Variants in ATP2A3 observed in about 807,000 individuals in gnomAD.
ATP2A3 encodes the protein ATPase sarcoplasmic/endoplasmic reticulum Ca2+ transporting 3.
A neutral mutation model predicts 106.8 loss-of-function variants in ATP2A3; 61 were observed. That is an observed-to-expected ratio of 0.57 (90% CI 0.46 to 0.71). The LOEUF is 0.71. Among genes scored for constraint, ATP2A3 ranks in the 30% least tolerant of loss-of-function variants. The probability of loss-of-function intolerance (pLI) is 0.00; values close to 1 mark genes in which losing one functional copy is unlikely to be tolerated. For missense variants in ATP2A3, 1,201 were observed against 1,423.5 expected (o/e 0.84, Z 2.52); for synonymous variants, 611 against 609.3 (o/e 1.00, Z -0.04).
At chr17:3,942,252 C>T (rs772127385) in intron 12 of ATP2A3, among the ~76,000 whole-genome samples, 1 of 152,176 alleles carries the variant, frequency 6.6e-6, no homozygotes, top group African/African-American at 2.4e-5. Context: ...CCAAGTGGCC[C>T]GAGCTCCCAG....
At chr17:3,941,413 G>C in intron 13 of ATP2A3, 23 bp downstream of exon 13, 1 of 1,612,834 alleles carries the variant, frequency 6.2e-7, no homozygotes, top group Non-Finnish European at 8.5e-7. Flanking sequence ...CGTACTGCAG[G>C]GAGAATCGGC....
In ATP2A3 at chr17:3,935,273, G is replaced by A. The variant is rs201977487; in HGVS notation, c.2529C>T (p.Tyr843=). The A allele has an allele frequency of 1.4e-5, 22 of 1,613,458 alleles. No homozygotes were observed. The highest frequency in any genetic ancestry group is 6.7e-5 in the African/African-American group (5 of 75,034). ...CGGCAGCCACTGTGGCCAGGCCTACGTACACTGCGGGGAAGGGAGGAGACC... is the reference window on the plus strand; with the variant it reads ...CGGCAGCCACTGTGGCCAGGCCTACATACACTGCGGGGAAGGGAGGAGACC... The part of the protein sequence containing the change: ...LFFRYLAIGV[Y]VGLATVAAAT... The change falls in exon 17 of 21, where the codon TAC becomes TAT. Residue 843 remains tyrosine, a synonymous_variant. Transcript: ENST00000397041.
intron 1 of ATP2A3, among the ~76,000 whole-genome samples, chr17:3,954,577 A>G (rs2054655299): frequency 6.7e-6 from 1 of 148,386 alleles, no homozygotes; most frequent in Admixed American, 6.7e-5. Flanking sequence ...GCTCACTGCA[A>G]CCTCCACCTC....
rs368580708 is a variant in ATP2A3 at position 3,928,691 on chromosome 17, G to A, written c.2952C>T (p.Leu984=). Residue 984 remains leucine, a synonymous_variant, in exon 20 of 21, where the codon CTC becomes CTT. Coordinates refer to ENST00000397041, the MANE Select transcript of ATP2A3 (RefSeq NM_005173.4). The surrounding 1 kb of genome is among the most constrained non-coding windows in gnomAD (Gnocchi z 6.1). The part of the protein sequence containing the change: ...SLPVILLDEA[L]KYLSRNHMHE... Reference sequence around the variant, plus strand: ...GCATGTGGTTCCGGGACAGGTACTTGAGGGCCTCATCCAGCAGGATGACAG... The same window carrying A: ...GCATGTGGTTCCGGGACAGGTACTTAAGGGCCTCATCCAGCAGGATGACAG... 1.7e-5 allele frequency: 27 copies of A among 1,551,330 alleles called. No homozygotes were observed. In the East Asian group the frequency reaches 5.9e-4, roughly 34 times the overall value.
Position 3,924,923 on chromosome 17 carries a change from C to A in ATP2A3, c.*499G>T. The A allele has an allele frequency of 2.2e-6, 1 of 445,480 alleles. No individual in the cohort carries two copies. 27.6% of individuals were successfully genotyped at this position (445,480 alleles called of 1,614,324 possible). ...CTGGGCCCAGATGGCCCCTTCTGAT[C>A]CCCCAGGGCTGACCCAGTCCCAGAC... On this transcript the variant is annotated 3_prime_UTR_variant, in exon 21 of 21. Transcript: ENST00000397041. The surrounding 1 kb of genome is among the most constrained non-coding windows in gnomAD (Gnocchi z 6.4).
At position 3,929,243 on chromosome 17, in the gene ATP2A3, G is replaced by A. The variant is rs2052900633; in HGVS notation, c.2862+85C>T. The A allele has an allele frequency of 7.9e-7, 1 of 1,270,630 alleles. No homozygotes were observed. The highest frequency in any genetic ancestry group is 1.3e-5 in the South Asian group (1 of 74,566). The allele number at this position is 1,270,630 out of a possible 1,614,324, so 78.7% of individuals were successfully genotyped here. A position where few individuals can be genotyped will look rare whatever the true frequency, so the allele number is the denominator to read the frequency against. On this transcript the variant is annotated intron_variant, in intron 19 of 20. Transcript: ENST00000397041. This position sits in a 1 kb window ranked among gnomAD's most constrained non-coding sequence, Gnocchi z 4.3. Reference sequence around the variant, plus strand: ...CCCTCTCCTCCAGGTAGTTTCCATTGCAGGGGGGCCAGAGAGGTCCAGTGA... The same window carrying A: ...CCCTCTCCTCCAGGTAGTTTCCATTACAGGGGGGCCAGAGAGGTCCAGTGA...
rs766970987 is a variant in ATP2A3, at chr17:3,947,392, C to T, written c.1094G>A (p.Arg365Gln). ...TLTTNQMSVC[R>Q]MFVVAEADAG... ...AACACCAAGCTGGCCGTCACTCACC[C>T]GGCAGACAGACATCTGATTGGTGGT... is the stretch of plus-strand genomic sequence containing the variant. Residue 365 changes from arginine to glutamine, a missense_variant and splice_region_variant, in exon 8 of 21, where the codon CGG becomes CAG. Arg to Gln is a conservative substitution (Grantham distance 43). Around this residue, in one of 2 missense-constraint regions of ATP2A3, gnomAD observed 935 missense variants for 1,176.7 expected, o/e 0.79. Transcript: ENST00000397041. This position sits in a 1 kb window ranked among gnomAD's most constrained non-coding sequence, Gnocchi z 7.7. 2.0e-5 allele frequency: 33 copies of T among 1,613,698 alleles called. No homozygotes were observed. Among genetic ancestry groups the T allele is most frequent in the East Asian group, 1.8e-4 (8 of 44,900 alleles).
rs1191287603 is a variant in ATP2A3 at position 3,926,820 on chromosome 17, C to A, written c.2981-1379G>T. On this transcript the variant is annotated intron_variant, in intron 20 of 20. Coordinates refer to ENST00000397041, the MANE Select transcript of ATP2A3 (RefSeq NM_005173.4). The surrounding 1 kb of genome is among the most constrained non-coding windows in gnomAD (Gnocchi z 4.6). ...CCTGACTCAGGTGATCTGCCCACCTCGGCCTCCCAAAGTGCTGGGATGACA... is the reference window on the plus strand; with the variant it reads ...CCTGACTCAGGTGATCTGCCCACCTAGGCCTCCCAAAGTGCTGGGATGACA... 1.0e-6 allele frequency: 1 copy of A among 978,956 alleles called. No individual in the cohort carries two copies. The highest frequency in any genetic ancestry group is 1.8e-5 in the African/African-American group (1 of 57,116). 60.6% of individuals were successfully genotyped at this position (978,956 alleles called of 1,614,324 possible).
intron 12 of ATP2A3, among the ~76,000 whole-genome samples, chr17:3,942,286 A>G (rs1856779960): frequency 6.6e-6 from 1 of 152,234 alleles, no homozygotes; most frequent in South Asian, 2.1e-4. Context: ...TCATTTCAAA[A>G]GGGGTTTAAA....
At position 3,953,230 on chromosome 17, in the gene ATP2A3, C is replaced by T. The variant is rs373373938; in HGVS notation, c.219+117G>A. The T allele has an allele frequency of 5.2e-5, 62 of 1,197,648 alleles. No homozygotes were observed. The highest frequency in any genetic ancestry group is 4.2e-4 in the East Asian group (18 of 42,744). 74.2% of individuals were successfully genotyped at this position (1,197,648 alleles called of 1,614,324 possible). A position where few individuals can be genotyped will look rare whatever the true frequency, so the allele number is the denominator to read the frequency against. On this transcript the variant is annotated intron_variant, in intron 3 of 20. Transcript: ENST00000397041. This position sits in a 1 kb window ranked among gnomAD's most constrained non-coding sequence, Gnocchi z 5.1. ...AGGGCAGGGCCAGGGAAGGCCAGGGCGCAGGCCCAGGGTGTGGAGGACAGG... is the reference window on the plus strand; with the variant it reads ...AGGGCAGGGCCAGGGAAGGCCAGGGTGCAGGCCCAGGGTGTGGAGGACAGG...
chr17:3,944,192 C>G (rs1385735593), intron 10 of ATP2A3, among the ~76,000 whole-genome samples: 1 of 152,210 alleles, frequency 6.6e-6, no homozygotes, highest in Non-Finnish European at 1.5e-5. Context: ...CCTCAGTGAT[C>G]TTCTGTAAAT....
Position 3,953,425 on chromosome 17 carries a change from C to G in ATP2A3, c.141G>C (p.Lys47Asn). Reference sequence around the variant, plus strand: ...GTTCCAGCACCAGCTCCCACAGGGACTTCCCTGGGAACGGGGGTCATGTGT... The same window carrying G: ...GTTCCAGCACCAGCTCCCACAGGGAGTTCCCTGGGAACGGGGGTCATGTGT... ...GPNELPSEEG[K>N]SLWELVLEQF... Residue 47 changes from lysine (K) to asparagine (N), a missense_variant, in exon 3 of 21, where the codon AAG becomes AAC. By Grantham distance (94) the Lys-to-Asn change is moderately conservative. This residue lies in a region of ATP2A3 where 266 missense variants were observed against 246.8 expected (regional missense o/e 1.08). Coordinates refer to ENST00000397041, the MANE Select transcript of ATP2A3 (RefSeq NM_005173.4). The surrounding 1 kb of genome is among the most constrained non-coding windows in gnomAD (Gnocchi z 5.1). 3 of 1,613,962 alleles carry G rather than the reference C, an allele frequency of 1.9e-6. No homozygotes were observed. The highest frequency in any genetic ancestry group is 2.5e-6 in the Non-Finnish European group (3 of 1,179,988).
At chr17:3,941,335 G>T in intron 13 of ATP2A3, 29 bp from the exon 14 acceptor site, 1 of 1,613,416 alleles carries the variant, frequency 6.2e-7, no homozygotes, top group Non-Finnish European at 8.5e-7. Flanking sequence ...TTCAAGCGGG[G>T]CCTGAGCCCA....
At position 3,953,642 on chromosome 17, in the gene ATP2A3, A is replaced by G. The variant is rs1240317750; in HGVS notation, c.136+51T>C. 6.4e-7 allele frequency: 1 copy of G among 1,556,338 alleles called. No homozygotes were observed. The highest frequency in any genetic ancestry group is 8.7e-7 in the Non-Finnish European group (1 of 1,149,470). On this transcript the variant is annotated intron_variant, in intron 2 of 20. Transcript: ENST00000397041. This position sits in a 1 kb window ranked among gnomAD's most constrained non-coding sequence, Gnocchi z 5.1. Reference sequence around the variant, plus strand: ...GGAAGTCATGACCAGACAGAGAACGACCCAGGGATGCTGCCCGCGGCCTAG... The same window carrying G: ...GGAAGTCATGACCAGACAGAGAACGGCCCAGGGATGCTGCCCGCGGCCTAG...
intron 1 of ATP2A3, among the ~76,000 whole-genome samples, chr17:3,956,510 C>T (rs2054791092): frequency 3.3e-5 from 5 of 152,290 alleles, no homozygotes; most frequent in African/African-American, 9.6e-5. Context: ...ATGCAGCTGG[C>T]GAGCCCCTGG....
In ATP2A3 at chr17:3,930,695, G is replaced by C. The variant is rs2053026669; in HGVS notation, c.2611-261C>G. On this transcript the variant is annotated intron_variant, in intron 17 of 20. Coordinates refer to ENST00000397041, the MANE Select transcript of ATP2A3 (RefSeq NM_005173.4). The surrounding 1 kb of genome is among the most constrained non-coding windows in gnomAD (Gnocchi z 5.4). ...GAGCAGGAGTGCAGCGGCTCAGAAG[G>C]AGAACAGCTGGCATTAGCCTGGGGA... 1 of 567,424 alleles carries C rather than the reference G, an allele frequency of 1.8e-6. No homozygotes were observed. Among genetic ancestry groups the C allele is most frequent in the Admixed American group, 2.9e-5 (1 of 34,840 alleles). 35.1% of individuals were successfully genotyped at this position (567,424 alleles called of 1,614,324 possible). A position where few individuals can be genotyped will look rare whatever the true frequency, so the allele number is the denominator to read the frequency against.
rs537562230 is a variant in ATP2A3 at position 3,950,841 on chromosome 17, T to C, written c.464-68A>G. On this transcript the variant is annotated intron_variant, in intron 5 of 20. Coordinates refer to ENST00000397041, the MANE Select transcript of ATP2A3 (RefSeq NM_005173.4). ...CACCAGCTGGGAAAAGCCAGAAGGG[T>C]TCCCAGAACCCAAGGCTGGGGCTGG... The C allele has an allele frequency of 1.1e-5, 17 of 1,501,078 alleles. No individual in the cohort carries two copies. The African/African-American group carries it at 2.3e-4, about 21-fold the overall frequency. 93.0% of individuals were successfully genotyped at this position (1,501,078 alleles called of 1,614,324 possible).
Position 3,928,880 on chromosome 17 carries a change from T to C in ATP2A3, c.2863-100A>G. The C allele has an allele frequency of 1.1e-6, 1 of 883,132 alleles. No homozygotes were observed. Among genetic ancestry groups the C allele is most frequent in the Admixed American group, 2.1e-5 (1 of 47,530 alleles). The allele number at this position is 883,132 out of a possible 1,614,324, so 54.7% of individuals were successfully genotyped here. Reference sequence around the variant, plus strand: ...ATCCACCTGGGCTCTGATGGACTCTTCATGAGCGCTCCTAAGAACCCCCTG... The same window carrying C: ...ATCCACCTGGGCTCTGATGGACTCTCCATGAGCGCTCCTAAGAACCCCCTG... On this transcript the variant is annotated intron_variant, in intron 19 of 20. Transcript: ENST00000397041. This position sits in a 1 kb window ranked among gnomAD's most constrained non-coding sequence, Gnocchi z 6.1.
Position 3,928,408 on chromosome 17 carries a change from G to T in ATP2A3, c.2980+255C>A. 1 of 1,348,460 alleles carries T rather than the reference G, an allele frequency of 7.4e-7. No homozygotes were observed. 83.5% of individuals were successfully genotyped at this position (1,348,460 alleles called of 1,614,324 possible). A position where few individuals can be genotyped will look rare whatever the true frequency, so the allele number is the denominator to read the frequency against. Reference sequence around the variant, plus strand: ...ATGTAGGGGGTGGCAGGTGAAGACAGTGAGGCAGTGTGGCCCAAGAGGTGC... The same window carrying T: ...ATGTAGGGGGTGGCAGGTGAAGACATTGAGGCAGTGTGGCCCAAGAGGTGC... On this transcript the variant is annotated intron_variant, in intron 20 of 20. Coordinates refer to ENST00000397041, the MANE Select transcript of ATP2A3 (RefSeq NM_005173.4). The surrounding 1 kb of genome is among the most constrained non-coding windows in gnomAD (Gnocchi z 6.1).
Sources: allele counts gnomAD v4.1 joint callset (sites outside exome capture counted in the v4.1 genomes callset), GRCh38; gene constraint gnomAD v4.1.1; regional missense constraint gnomAD v4.1.1; non-coding constraint Gnocchi (gnomAD v3.1); transcripts MANE v1.5; gene names NCBI Gene and HGNC (gene_info 2026-07-23, HGNC 2026-07-21).